SNX29: variants seen among roughly 807,000 people sequenced by gnomAD.
The protein encoded by SNX29 is sorting nexin 29, also known as sorting nexin-29.
SNX29 carries 78 observed loss-of-function variants against 102.1 expected under a neutral mutation model. That is an observed-to-expected ratio of 0.76 (90% CI 0.64 to 0.92). The LOEUF is 0.92. Ranked by LOEUF, SNX29 falls within the 40% of genes least tolerant of loss-of-function variation. The pLI is 0.00. For synonymous variants in SNX29, 580 were observed against 414.5 expected (o/e 1.40, Z -4.85); for missense variants, 1,280 against 1,061.7 (o/e 1.21, Z -2.86).
chr16:12,342,339 C>T (rs1452434146), intron 15 of SNX29, among the ~76,000 whole-genome samples: 1 of 152,122 alleles, frequency 6.6e-6, no homozygotes, highest in Non-Finnish European at 1.5e-5. Flanking sequence ...TTCAGTGTCC[C>T]ATGGAGAGAA....
At chr16:12,533,160 C>G (rs886281614) in intron 20 of SNX29, among the ~76,000 whole-genome samples, 48 of 152,238 alleles carry the variant, frequency 3.2e-4, no homozygotes, top group African/African-American at 1.1e-3. Flanking sequence ...GGCAGGGCCT[C>G]TCTCTGAACA....
intron 15 of SNX29, among the ~76,000 whole-genome samples, chr16:12,348,083 A>G (rs780395232): frequency 1.8e-4 from 26 of 147,984 alleles, no homozygotes; most frequent in Non-Finnish European, 3.8e-4. Flanking sequence ...GTCTCTGGAA[A>G]ACAAAATTAA....
rs146971063 is a variant in SNX29, at chr16:12,567,194, C to CAT, written c.2319-1311_2319-1310dup. Among the ~76,000 whole-genome samples, 948 of 152,340 alleles carry CAT rather than the reference C, an allele frequency of 6.2e-3. 11 individuals carry two copies. The highest frequency in any genetic ancestry group is 0.022 in the African/African-American group (896 of 41,582). ...TTCCTGATCTGACATTCTCACTTGG[C>CAT]ATCTTTGGTCCTTTCTAAACCACAG... On this transcript the variant is annotated intron_variant, in intron 20 of 20. Transcript: ENST00000566228.
In SNX29 at chr16:11,998,172, G is replaced by A. The variant is rs149581238; in HGVS notation, c.8-1125G>A. Among the ~76,000 whole-genome samples the A allele has an allele frequency of 1.4e-4, 21 of 152,330 alleles. No individual in the cohort carries two copies. The East Asian group carries it at 3.1e-3, about 22-fold the overall frequency. On this transcript the variant is annotated intron_variant, in intron 1 of 20. Coordinates refer to ENST00000566228, the MANE Select transcript of SNX29 (RefSeq NM_032167.5). ...CGTAGAGTTGCCCAAGACAGAAGCA[G>A]CCTGATGGCAATTCAACGCCTGCAG...
chr16:12,159,035 A>C (rs910385081), intron 13 of SNX29, among the ~76,000 whole-genome samples: 1 of 152,202 alleles, frequency 6.6e-6, no homozygotes, highest in African/African-American at 2.4e-5. Context: ...TTCTGGAATT[A>C]ATATGGTGTA....
chr16:12,557,433 C>G (rs944794247), intron 20 of SNX29: 1 of 152,312 alleles, frequency 6.6e-6, no homozygotes, highest in Admixed American at 6.5e-5. Flanking sequence ...ATGATGTTGG[C>G]TCACTGCAAC....
In SNX29 at chr16:12,087,558, C is replaced by CT. The variant is rs1286481426; in HGVS notation, c.1402+8644dup. ...GCTGCATTGAGCAGTGATCATGACA[C>CT]TGTACCCCAGCCTGGGCAACAGAGC... On this transcript the variant is annotated intron_variant, in intron 11 of 20. Coordinates refer to ENST00000566228, the MANE Select transcript of SNX29 (RefSeq NM_032167.5). The CT allele has an allele frequency of 4.3e-5, 14 of 329,100 alleles. No homozygotes were observed. In the East Asian group the frequency reaches 1.0e-3, roughly 24 times the overall value. The allele number at this position is 329,100 out of a possible 1,614,324, so 20.4% of individuals were successfully genotyped here.
intron 15 of SNX29, among the ~76,000 whole-genome samples, chr16:12,311,645 A>G (rs2080553595): frequency 6.6e-6 from 1 of 152,232 alleles, no homozygotes; most frequent in African/African-American, 2.4e-5. Context: ...ATTCATCTCC[A>G]ACCCTTCACC....
chr16:12,002,452 A>G (rs996556092), intron 2 of SNX29, among the ~76,000 whole-genome samples: 1 of 152,026 alleles, frequency 6.6e-6, no homozygotes, highest in African/African-American at 2.4e-5. Flanking sequence ...ATCTCAAAAA[A>G]AAAAAAAAAA....
chr16:12,033,141 C>T (rs1596647247), intron 4 of SNX29, among the ~76,000 whole-genome samples: 2 of 152,166 alleles, frequency 1.3e-5, no homozygotes, highest in Non-Finnish European at 2.9e-5. Flanking sequence ...AGGTGCGAGC[C>T]ACTGTGCCCG....
chr16:12,111,157 G>T (rs1199109731), intron 11 of SNX29, among the ~76,000 whole-genome samples: 1 of 152,120 alleles, frequency 6.6e-6, no homozygotes, highest in African/African-American at 2.4e-5. Context: ...GTTCACAAGG[G>T]CTACTGAGGC....
intron 1 of SNX29, among the ~76,000 whole-genome samples, chr16:11,984,536 A>G (rs1333935969): frequency 6.6e-6 from 1 of 152,116 alleles, no homozygotes; most frequent in Non-Finnish European, 1.5e-5. Flanking sequence ...TGTACAGTCC[A>G]TCATTCATCA....
chr16:12,406,376 A>G (rs918544106), intron 18 of SNX29, among the ~76,000 whole-genome samples: 14 of 152,222 alleles, frequency 9.2e-5, no homozygotes, highest in Non-Finnish European at 1.6e-4. Context: ...TTGAGATTAA[A>G]CAATAAAAAA....
At chr16:12,053,445 G>A (rs113787547) in intron 8 of SNX29, among the ~76,000 whole-genome samples, 66 of 152,000 alleles carry the variant, frequency 4.3e-4, no homozygotes, top group Non-Finnish European at 8.7e-4. Flanking sequence ...CTGTAATCCC[G>A]GCACTTTGGG....
At chr16:12,343,147 C>T (rs937358454) in intron 15 of SNX29, among the ~76,000 whole-genome samples, 40 of 152,310 alleles carry the variant, frequency 2.6e-4, no homozygotes, top group African/African-American at 6.7e-4. Context: ...TGATTAAAAA[C>T]GCACACCAGC....
chr16:12,104,768 T>C (rs1015753757), intron 11 of SNX29, among the ~76,000 whole-genome samples: 1 of 152,230 alleles, frequency 6.6e-6, no homozygotes, highest in Non-Finnish European at 1.5e-5. Flanking sequence ...GTTATGTTTA[T>C]CCATGCAAAT....
intron 8 of SNX29, chr16:12,060,908 G>A: frequency 6.6e-6 from 3 of 455,844 alleles, no homozygotes; most frequent in Non-Finnish European, 1.3e-5. Flanking sequence ...TTCTTGGAAG[G>A]GACCCAGACG....
intron 16 of SNX29, 35 bp downstream of exon 16, chr16:12,356,314 C>G: frequency 6.5e-7 from 1 of 1,535,270 alleles, no homozygotes; most frequent in African/African-American, 1.4e-5. Context: ...GTCTGTCAAG[C>G]CTCTGCTGCC....
At chr16:12,058,779 C>G (rs1421887357) in intron 8 of SNX29, among the ~76,000 whole-genome samples, 1 of 148,538 alleles carries the variant, frequency 6.7e-6, no homozygotes, top group Non-Finnish European at 1.5e-5. Flanking sequence ...CAGGTGTGAG[C>G]CACAGCACCC....
Sources: gnomAD v4.1 joint callset for allele counts (sites outside exome capture counted in the v4.1 genomes callset) on GRCh38, gnomAD v4.1.1 for gene constraint, MANE v1.5 for transcripts, NCBI Gene and HGNC (gene_info 2026-07-23, HGNC 2026-07-21) for gene names.